OTOP1: variants seen among roughly 807,000 people sequenced by gnomAD.
The protein encoded by OTOP1 is proton channel OTOP1.
OTOP1 carries 59 observed loss-of-function variants against 52.9 expected under a neutral mutation model. The ratio of observed to expected loss-of-function variants is 1.12; its 90% CI spans 0.91 to 1.39. OTOP1 has a LOEUF of 1.39. Among genes scored for constraint, OTOP1 ranks in the 40% most tolerant of loss-of-function variants. The probability of loss-of-function intolerance (pLI) is 0.00; values close to 1 mark genes in which losing one functional copy is unlikely to be tolerated. For synonymous variants in OTOP1, 317 were observed against 337.7 expected (o/e 0.94, Z 0.67); for missense variants, 761 against 800.9 (o/e 0.95, Z 0.60).
chr4:4,190,632 T>C (rs1337700157), intron 5 of OTOP1, among the ~76,000 whole-genome samples: 1 of 152,200 alleles, frequency 6.6e-6, no homozygotes, highest in East Asian at 1.9e-4. Flanking sequence ...AATCTAGAGA[T>C]GTCTTAAAGT....
At chr4:4,202,903 A>C (rs1379378994) in intron 3 of OTOP1, among the ~76,000 whole-genome samples, 3 of 152,170 alleles carry the variant, frequency 2.0e-5, no homozygotes, top group Non-Finnish European at 4.4e-5. Context: ...AACCCACCCC[A>C]CCACACCCCA....
chr4:4,199,233 T>TGTGTGAGAGA (rs1212354837), intron 4 of OTOP1, among the ~76,000 whole-genome samples: 3 of 98,566 alleles, frequency 3.0e-5, no homozygotes, highest in African/African-American at 1.3e-4. Context: ...TGTGTGTGTG[T>TGTGTGAGAGA]GAGAGAGAGA....
chr4:4,221,467 AG>A (rs138112360), intron 1 of OTOP1, among the ~76,000 whole-genome samples: 6,766 of 152,176 alleles, frequency 0.044, 491 homozygotes, highest in African/African-American at 0.15. Flanking sequence ...AAGACTGTGC[AG>A]GTGTTGCCTC....
At chr4:4,213,861 G>A (rs1440699571) in intron 1 of OTOP1, among the ~76,000 whole-genome samples, 2 of 152,152 alleles carry the variant, frequency 1.3e-5, no homozygotes, top group Non-Finnish European at 2.9e-5. Context: ...AGGCCGAGGA[G>A]TGTGAATAAC....
intron 5 of OTOP1, among the ~76,000 whole-genome samples, chr4:4,195,439 C>T (rs1716600404): frequency 6.6e-6 from 1 of 152,208 alleles, no homozygotes; most frequent in Non-Finnish European, 1.5e-5. Context: ...ACTTCCCCAG[C>T]CTCCCTTGCA....
At chr4:4,201,471 T>TACACGCAC (rs1716786957) in intron 4 of OTOP1, among the ~76,000 whole-genome samples, 1 of 140,774 alleles carries the variant, frequency 7.1e-6, no homozygotes, top group Non-Finnish European at 1.5e-5. Context: ...TATATATATA[T>TACACGCAC]ACACACACAC....
chr4:4,206,826 C>T (rs1464060725), intron 2 of OTOP1, among the ~76,000 whole-genome samples: 1 of 152,220 alleles, frequency 6.6e-6, no homozygotes, highest in Non-Finnish European at 1.5e-5. Flanking sequence ...CCATGTCAAT[C>T]ACTTAGACTA....
intron 1 of OTOP1, among the ~76,000 whole-genome samples, chr4:4,223,170 C>A (rs1221718517): frequency 6.6e-6 from 1 of 152,240 alleles, no homozygotes; most frequent in East Asian, 1.9e-4. Flanking sequence ...CTCTACCTTG[C>A]CCATTTATTC....
At chr4:4,198,126 A>G in intron 4 of OTOP1, 23 bp from the exon 5 acceptor site, 3 of 1,581,078 alleles carry the variant, frequency 1.9e-6, no homozygotes. Flanking sequence ...GGTAGATCAC[A>G]CAGGAGGGCG....
intron 5 of OTOP1, among the ~76,000 whole-genome samples, chr4:4,194,934 T>A (rs1384726429): frequency 6.6e-6 from 1 of 152,172 alleles, no homozygotes; most frequent in Admixed American, 6.5e-5. Flanking sequence ...CATCCCTCCA[T>A]CACTGCCCTG....
chr4:4,201,467 T>TACACACACACAC (rs374925758), intron 4 of OTOP1, among the ~76,000 whole-genome samples: 7,132 of 125,942 alleles, frequency 0.057, 224 homozygotes, highest in Middle Eastern at 0.11. Context: ...TAAATATATA[T>TACACACACACAC]ATATACACAC....
At chr4:4,207,725 T>C (rs376485480) in intron 2 of OTOP1, among the ~76,000 whole-genome samples, 1 of 152,104 alleles carries the variant, frequency 6.6e-6, no homozygotes, top group Non-Finnish European at 1.5e-5. Flanking sequence ...CACTGATGGA[T>C]GAGTGGATGA....
intron 3 of OTOP1, among the ~76,000 whole-genome samples, chr4:4,205,088 TACACGGTAACA>T (rs1264234680): frequency 1.3e-5 from 2 of 152,116 alleles, no homozygotes; most frequent in Non-Finnish European, 2.9e-5. Flanking sequence ...GGTGCTTTCT[TACACGGTAACA>T]ACACCTTGCA....
intron 2 of OTOP1, among the ~76,000 whole-genome samples, chr4:4,208,493 G>A (rs1481301758): frequency 6.6e-6 from 1 of 152,182 alleles, no homozygotes; most frequent in African/African-American, 2.4e-5. Flanking sequence ...TGACCCTTGA[G>A]AACGTTATGC....
intron 3 of OTOP1, 107 bp downstream of exon 3, chr4:4,205,965 G>T (rs373582514): frequency 2.1e-5 from 20 of 940,186 alleles, no homozygotes; most frequent in East Asian, 1.5e-4. Flanking sequence ...GGACTGAGGG[G>T]AGAGTTGGTC....
At chr4:4,220,105 A>ATATTTTTTT (rs1434375771) in intron 1 of OTOP1, among the ~76,000 whole-genome samples, 6 of 59,398 alleles carry the variant, frequency 1.0e-4, no homozygotes, top group African/African-American at 3.1e-4. Context: ...ATATATATAT[A>ATATTTTTTT]TTTTTTTTTT....
chr4:4,194,701 T>A (rs1716583336), intron 5 of OTOP1, among the ~76,000 whole-genome samples: 1 of 152,310 alleles, frequency 6.6e-6, no homozygotes, highest in South Asian at 2.1e-4. Flanking sequence ...GCAGGCTTGA[T>A]AACGGAGGCT....
chr4:4,188,816 T>C lies in OTOP1; in HGVS notation c.1826A>G (p.Tyr609Cys). The change falls in exon 6 of 6, where the codon TAT becomes TGT. Residue 609 changes from tyrosine to cysteine, a missense_variant. By Grantham distance (194) the Tyr-to-Cys change is radical. This residue lies in a region of OTOP1 where 632 missense variants were observed against 619.5 expected (regional missense o/e 1.02). Transcript: ENST00000296358. ...TGTGGACCCAGACTATATCTTACAA[T>C]AGACCTCAAAGAGGGAGGCAGCTGC... is the stretch of plus-strand genomic sequence containing the variant. Reference protein sequence around the residue: ...MHAAASLFEVYCKI With the variant: ...MHAAASLFEVCCKI The C allele has an allele frequency of 1.2e-6, 2 of 1,613,180 alleles. No individual in the cohort carries two copies. The highest frequency in any genetic ancestry group is 1.7e-4 in the Middle Eastern group (1 of 6,052).
rs375160376 is a variant in OTOP1 at position 4,199,295 on chromosome 4, C to T, written c.731-1192G>A. Reference sequence around the variant, plus strand: ...GAGAGAGGAACAGCTCAATGTCCAACAATTTAGAAATTGTTAAGTAAATTT... The same window carrying T: ...GAGAGAGGAACAGCTCAATGTCCAATAATTTAGAAATTGTTAAGTAAATTT... On this transcript the variant is annotated intron_variant, in intron 4 of 5. Coordinates refer to ENST00000296358, the MANE Select transcript of OTOP1 (RefSeq NM_177998.3). Among the ~76,000 whole-genome samples, 138 of 145,960 alleles carry T rather than the reference C, an allele frequency of 9.5e-4. 1 individual carries two copies. In the South Asian group the frequency reaches 0.028, roughly 30 times the overall value.
Sources: allele counts gnomAD v4.1 joint callset (sites outside exome capture counted in the v4.1 genomes callset), GRCh38; gene constraint gnomAD v4.1.1; regional missense constraint gnomAD v4.1.1; transcripts MANE v1.5; gene names NCBI Gene and HGNC (gene_info 2026-07-23, HGNC 2026-07-21).